Variants in KIAA0825 observed in about 807,000 individuals in gnomAD.
The protein encoded by KIAA0825 is KIAA0825.
In KIAA0825, 119 loss-of-function variants were observed where a neutral mutation model predicts 147.6. The observed-to-expected ratio is 0.81, with a 90% CI of 0.69 to 0.94. The LOEUF is 0.94. Ranked by LOEUF, KIAA0825 falls within the 40% of genes least tolerant of loss-of-function variation. The pLI, the probability that KIAA0825 is intolerant of heterozygous loss-of-function variation, is 0.00. For synonymous variants in KIAA0825, 470 were observed against 518.1 expected (o/e 0.91, Z 1.26); for missense variants, 1,381 against 1,472.7 (o/e 0.94, Z 1.02).
At chr5:94,338,413 T>C (rs1266534666) in intron 20 of KIAA0825, among the ~76,000 whole-genome samples, 2 of 152,114 alleles carry the variant, frequency 1.3e-5, no homozygotes, top group Non-Finnish European at 2.9e-5. Flanking sequence ...TGATTTCTCC[T>C]TTTCATTTAC....
At chr5:94,296,753 G>C (rs945039422) in intron 20 of KIAA0825, among the ~76,000 whole-genome samples, 1 of 152,128 alleles carries the variant, frequency 6.6e-6, no homozygotes, top group Non-Finnish European at 1.5e-5. Flanking sequence ...ACCAGTCCCA[G>C]TGAGATGAGC....
Position 94,464,988 on chromosome 5 carries a change from G to A in KIAA0825, c.1944C>T (p.Thr648=), listed in dbSNP as rs1217815120. 2.6e-6 allele frequency: 4 copies of A among 1,551,568 alleles called. No homozygotes were observed. In the Admixed American group the frequency reaches 5.9e-5, roughly 23 times the overall value. The change falls in exon 11 of 21, where the codon ACC becomes ACT. Residue 648 remains threonine, a synonymous_variant. Coordinates refer to ENST00000682413, the MANE Select transcript of KIAA0825 (RefSeq NM_001145678.3). The stretch of plus-strand genomic sequence containing the variant: ...CCTGGGCTAACTTAGGAGGCAGAAT[G>A]GTCCAGAGATCGTAATGAAGAGACC... The part of the protein sequence containing the change: ...FCWSLHYDLW[T]ILPPKLAQEI...
chr5:94,309,445 C>T (rs970329355), intron 20 of KIAA0825, among the ~76,000 whole-genome samples: 1 of 151,508 alleles, frequency 6.6e-6, no homozygotes, highest in African/African-American at 2.4e-5. Context: ...TATACAAACT[C>T]ACTGATGAAA....
chr5:94,550,010 C>A (rs891929096), intron 2 of KIAA0825, among the ~76,000 whole-genome samples: 13 of 151,950 alleles, frequency 8.6e-5, no homozygotes, highest in African/African-American at 3.1e-4. Context: ...TGGACATCAA[C>A]AGAGGACTGG....
chr5:94,368,556 C>T (rs1584276075), intron 20 of KIAA0825, among the ~76,000 whole-genome samples: 2 of 152,268 alleles, frequency 1.3e-5, no homozygotes, highest in Non-Finnish European at 1.5e-5. Context: ...AGATTAGAGA[C>T]ATTCCAGCTG....
intron 20 of KIAA0825, among the ~76,000 whole-genome samples, chr5:94,277,605 C>A (rs897032331): frequency 6.6e-6 from 1 of 152,082 alleles, no homozygotes; most frequent in African/African-American, 2.4e-5. Flanking sequence ...ACTCAGGAAA[C>A]AATAGATGCT....
chr5:94,527,011 T>A (rs1769429980), intron 3 of KIAA0825, among the ~76,000 whole-genome samples: 1 of 151,980 alleles, frequency 6.6e-6, no homozygotes, highest in Non-Finnish European at 1.5e-5. Context: ...ATTAGTAGAA[T>A]CACGGTACTT....
At chr5:94,223,326 C>T (rs1370271077) in intron 20 of KIAA0825, among the ~76,000 whole-genome samples, 1 of 152,156 alleles carries the variant, frequency 6.6e-6, no homozygotes, top group African/African-American at 2.4e-5. Flanking sequence ...ATCTGTGGTG[C>T]CATATCTGAG....
At chr5:94,546,054 A>G (rs1774293970) in intron 2 of KIAA0825, among the ~76,000 whole-genome samples, 1 of 152,124 alleles carries the variant, frequency 6.6e-6, no homozygotes, top group Non-Finnish European at 1.5e-5. Flanking sequence ...CTTGGGCCCT[A>G]TGGGAACATT....
chr5:94,393,455 T>C (rs976139333), intron 17 of KIAA0825, among the ~76,000 whole-genome samples: 2 of 152,214 alleles, frequency 1.3e-5, no homozygotes, highest in African/African-American at 4.8e-5. Flanking sequence ...TCAGGCAGTA[T>C]GCAAGACAGG....
intron 20 of KIAA0825, among the ~76,000 whole-genome samples, chr5:94,211,184 T>C (rs994910391): frequency 5.3e-5 from 8 of 152,184 alleles, no homozygotes; most frequent in Non-Finnish European, 8.8e-5. Context: ...ATATACAGTT[T>C]AGAAACACTA....
rs189404636 is a variant in KIAA0825, at chr5:94,190,306, T to C, written c.3711-36182A>G. Among the ~76,000 whole-genome samples, 4 of 152,210 alleles carry C rather than the reference T, an allele frequency of 2.6e-5. No individual in the cohort carries two copies. The East Asian group carries it at 7.7e-4, about 29-fold the overall frequency. On this transcript the variant is annotated intron_variant, in intron 20 of 20. Coordinates refer to ENST00000682413, the MANE Select transcript of KIAA0825 (RefSeq NM_001145678.3). ...TTATTGCACTGGCCAAAATATCTAA[T>C]ACGATGTTTTTTGTTTGTTTGTTTG...
At chr5:94,541,958 A>T (rs2151378429) in intron 2 of KIAA0825, among the ~76,000 whole-genome samples, 1 of 152,390 alleles carries the variant, frequency 6.6e-6, no homozygotes, top group African/African-American at 2.4e-5. Flanking sequence ...AGTGTATGTT[A>T]TTAAATAATT....
Position 94,391,664 on chromosome 5 carries a change from G to A in KIAA0825, c.3327C>T (p.Ala1109=). The A allele has an allele frequency of 1.3e-6, 2 of 1,549,290 alleles. No homozygotes were observed. Among genetic ancestry groups the A allele is most frequent in the Non-Finnish European group, 1.7e-6 (2 of 1,145,826 alleles). ...CAFMTIEKST[A]LQEGDVALEL... is the part of the protein sequence containing the mutation. ...CAAGAGCAACATCTCCTTCTTGTAAGGCCGTGCTTTTCTCTATTGTCATAA... is the reference window on the plus strand; with the variant it reads ...CAAGAGCAACATCTCCTTCTTGTAAAGCCGTGCTTTTCTCTATTGTCATAA... The change falls in exon 18 of 21, where the codon GCC becomes GCT. Residue 1109 remains alanine, a synonymous_variant. Transcript: ENST00000682413.
At chr5:94,294,579 A>C (rs1038244305) in intron 20 of KIAA0825, among the ~76,000 whole-genome samples, 1 of 152,170 alleles carries the variant, frequency 6.6e-6, no homozygotes, top group African/African-American at 2.4e-5. Context: ...TACAAAAATT[A>C]GCTGGGTGTG....
intron 20 of KIAA0825, among the ~76,000 whole-genome samples, chr5:94,263,758 G>A (rs1367389761): frequency 2.6e-5 from 4 of 151,976 alleles, no homozygotes; most frequent in African/African-American, 9.7e-5. Context: ...GCCCTGCAGA[G>A]ATTCTAGTCC....
At chr5:94,343,770 A>G (rs150256799) in intron 20 of KIAA0825, among the ~76,000 whole-genome samples, 222 of 152,308 alleles carry the variant, frequency 1.5e-3, no homozygotes, top group African/African-American at 5.1e-3. Flanking sequence ...GTATCCCTCT[A>G]TCTATCTACC....
At chr5:94,232,628 TAACA>T (rs1774787296) in intron 20 of KIAA0825, among the ~76,000 whole-genome samples, 1 of 152,136 alleles carries the variant, frequency 6.6e-6, no homozygotes, top group African/African-American at 2.4e-5. Flanking sequence ...TAACTTGCAA[TAACA>T]AACAAAATGA....
rs1022618376 is a variant in KIAA0825, at chr5:94,295,499, G to A, written c.3710+88869C>T. On this transcript the variant is annotated intron_variant, in intron 20 of 20. Transcript: ENST00000682413. ...CTTGTGATCCTTTGAAGGAGAAGAC[G>A]CATTCTGGTTTTGGAATTTTCAGAC... 3.3e-5 allele frequency among the ~76,000 whole-genome samples: 5 copies of A among 151,970 alleles called. No individual in the cohort carries two copies. In the South Asian group the frequency reaches 6.2e-4, roughly 19 times the overall value.
Sources: gnomAD v4.1 joint callset for allele counts (sites outside exome capture counted in the v4.1 genomes callset) on GRCh38, gnomAD v4.1.1 for gene constraint, MANE v1.5 for transcripts, NCBI Gene and HGNC (gene_info 2026-07-23, HGNC 2026-07-21) for gene names.